Variants in RGL1 observed in about 807,000 individuals in gnomAD.
RGL1 encodes the protein ral guanine nucleotide dissociation stimulator like 1.
RGL1 carries 24 observed loss-of-function variants against 95.2 expected under a neutral mutation model. The observed-to-expected ratio is 0.25, with a 90% CI of 0.18 to 0.35. The LOEUF is 0.35. Among genes scored for constraint, RGL1 ranks in the 10% least tolerant of loss-of-function variants. The pLI is 1.00. For synonymous variants in RGL1, 329 were observed against 344.9 expected, an observed-to-expected ratio of 0.95 and a Z score of 0.51; for missense variants, 715 against 936.3, an observed-to-expected ratio of 0.76 and a Z score of 3.08.
intron 2 of RGL1, among the ~76,000 whole-genome samples, chr1:183,758,418 C>T (rs1271637390): frequency 6.6e-6 from 1 of 152,068 alleles, no homozygotes; most frequent in East Asian, 1.9e-4. Context: ...AGGATGGTCT[C>T]GATCTCCTGA....
At chr1:183,776,211 C>A (rs554267935) in intron 2 of RGL1, among the ~76,000 whole-genome samples, 1 of 142,154 alleles carries the variant, frequency 7.0e-6, no homozygotes, top group Admixed American at 7.4e-5. Context: ...TGCAGTGGCG[C>A]GATCTCGGCT....
At chr1:183,885,000 T>G in intron 7 of RGL1, 62 bp downstream of exon 7, 1 of 1,403,160 alleles carries the variant, frequency 7.1e-7, no homozygotes, top group East Asian at 2.4e-5. Context: ...CTCCATCACT[T>G]CGTTTAAATG....
chr1:183,912,023 C>A, intron 14 of RGL1, 59 bp from the exon 15 acceptor site: 2 of 1,478,716 alleles, frequency 1.4e-6, no homozygotes, highest in Non-Finnish European at 1.9e-6. Context: ...AAATATTTGC[C>A]TAATCATGGA....
intron 2 of RGL1, among the ~76,000 whole-genome samples, chr1:183,778,744 T>G (rs1482363226): frequency 6.6e-6 from 1 of 152,134 alleles, no homozygotes; most frequent in Non-Finnish European, 1.5e-5. Flanking sequence ...ATGTCTCAGG[T>G]TTTGGATCAA....
chr1:183,875,887 A>AAAG (rs1453862029), intron 4 of RGL1, among the ~76,000 whole-genome samples: 2 of 151,594 alleles, frequency 1.3e-5, no homozygotes, highest in Admixed American at 1.3e-4. Context: ...AAAAAAAAAA[A>AAAG]AAAAATCAAT....
intron 1 of RGL1, among the ~76,000 whole-genome samples, chr1:183,657,290 A>T (rs115866112): frequency 0.082 from 12,417 of 152,108 alleles, 1,002 homozygotes; most frequent in African/African-American, 0.21. Flanking sequence ...TTTCTTTTTT[A>T]AAAAATTTTA....
intron 17 of RGL1, 47 bp downstream of exon 17, chr1:183,922,383 C>A: frequency 7.3e-7 from 1 of 1,379,058 alleles, no homozygotes; most frequent in Non-Finnish European, 1.0e-6. Context: ...GGGCAGGTGG[C>A]TAGCACATGT....
intron 2 of RGL1, among the ~76,000 whole-genome samples, chr1:183,830,237 A>AT (rs1415856768): frequency 6.6e-6 from 1 of 152,204 alleles, no homozygotes; most frequent in Non-Finnish European, 1.5e-5. Flanking sequence ...TATTTCAGTG[A>AT]TAAAAACTTC....
intron 2 of RGL1, among the ~76,000 whole-genome samples, chr1:183,788,188 T>A (rs183294547): frequency 6.6e-6 from 1 of 152,318 alleles, no homozygotes; most frequent in East Asian, 1.9e-4. Context: ...TTGGCTTACA[T>A]GATCATGGAG....
rs546997417 is a variant in RGL1, at chr1:183,704,876, C to T, written c.-32-37250C>T. 3.3e-5 allele frequency among the ~76,000 whole-genome samples: 5 copies of T among 152,314 alleles called. No homozygotes were observed. In the East Asian group the frequency reaches 9.7e-4, roughly 29 times the overall value. ...GTGAGGATAGCAGCTGCCGCCAATG[C>T]TTGGAGGCAGGCAGGCCATCCAAGA... On this transcript the variant is annotated intron_variant, in intron 1 of 18. Coordinates refer to the RGL1 transcript ENST00000304685.
intron 2 of RGL1, among the ~76,000 whole-genome samples, chr1:183,776,295 CCCGCTA>C (rs1659597108): frequency 6.6e-6 from 1 of 151,498 alleles, no homozygotes; most frequent in South Asian, 2.1e-4. Flanking sequence ...ACTACAGGCG[CCCGCTA>C]CCACGCCCGG....
At chr1:183,906,268 T>C (rs1668315281) in intron 13 of RGL1, among the ~76,000 whole-genome samples, 1 of 152,208 alleles carries the variant, frequency 6.6e-6, no homozygotes, top group South Asian at 2.1e-4. Context: ...GAAATACATC[T>C]ACTGTCTACA....
rs765872935 is a variant in RGL1 at position 183,648,103 on chromosome 1, A to C, written c.-33+11602A>C. 31 of 1,614,236 alleles carry C rather than the reference A, an allele frequency of 1.9e-5. No homozygotes were observed. The South Asian group carries it at 3.4e-4, about 18-fold the overall frequency. Reference sequence around the variant, plus strand: ...ACGCCTGTTATGGCATTGATTTCATATGCGTTGTGCCTGTCAGCCAGTGCT... The same window carrying C: ...ACGCCTGTTATGGCATTGATTTCATCTGCGTTGTGCCTGTCAGCCAGTGCT... On this transcript the variant is annotated intron_variant, in intron 1 of 18. Coordinates refer to the RGL1 transcript ENST00000304685.
chr1:183,737,076 T>C (rs1656985362), intron 1 of RGL1, among the ~76,000 whole-genome samples: 2 of 152,162 alleles, frequency 1.3e-5, no homozygotes, highest in South Asian at 4.1e-4. Context: ...AAGTTCAGCA[T>C]GGAGGTTAAT....
chr1:183,656,382 T>C (rs1651165652), intron 1 of RGL1, among the ~76,000 whole-genome samples: 1 of 152,208 alleles, frequency 6.6e-6, no homozygotes. Flanking sequence ...GCTGCCTCCT[T>C]ACATATTTTA....
At chr1:183,837,793 C>T (rs930721207) in intron 2 of RGL1, among the ~76,000 whole-genome samples, 1 of 152,142 alleles carries the variant, frequency 6.6e-6, no homozygotes, top group African/African-American at 2.4e-5. Context: ...GAGGGGTGTT[C>T]GTTTCAGGAT....
chr1:183,683,829 C>T (rs1653386184), intron 1 of RGL1, among the ~76,000 whole-genome samples: 1 of 152,214 alleles, frequency 6.6e-6, no homozygotes, highest in Admixed American at 6.5e-5. Flanking sequence ...GGTCTTTTCA[C>T]ATAGTCCCAT....
chr1:183,924,914 T>A (rs923867013), intron 17 of RGL1, among the ~76,000 whole-genome samples: 1 of 151,846 alleles, frequency 6.6e-6, no homozygotes, highest in Non-Finnish European at 1.5e-5. Context: ...TGCAGTGAGC[T>A]GACATTGTGC....
At chr1:183,791,416 T>C (rs571117117) in intron 2 of RGL1, among the ~76,000 whole-genome samples, 1 of 152,366 alleles carries the variant, frequency 6.6e-6, no homozygotes, top group African/African-American at 2.4e-5. Context: ...ATTTCCATTA[T>C]ATATGTTTTT....
Sources: allele counts gnomAD v4.1 joint callset (sites outside exome capture counted in the v4.1 genomes callset), GRCh38; gene constraint gnomAD v4.1.1; transcripts MANE v1.5; gene names NCBI Gene and HGNC (gene_info 2026-07-23, HGNC 2026-07-21).